The following ITGBL1 variants were observed in gnomAD, a reference collection of about 807,000 sequenced individuals.
ITGBL1 encodes integrin beta-like protein 1.
In ITGBL1, 51 loss-of-function variants were observed where a neutral mutation model predicts 68.5. That is an observed-to-expected ratio of 0.74 (90% CI 0.59 to 0.94). ITGBL1 has a LOEUF of 0.94. ITGBL1 is among the 40% of genes least tolerant of loss of function. The pLI, the probability that ITGBL1 is intolerant of heterozygous loss-of-function variation, is 0.00. For synonymous variants in ITGBL1, 209 were observed against 227.3 expected, an observed-to-expected ratio of 0.92 and a Z score of 0.72; for missense variants, 649 against 647.4, an observed-to-expected ratio of 1.00 and a Z score of -0.03.
intron 2 of ITGBL1, among the ~76,000 whole-genome samples, chr13:101,500,660 A>G (rs539718168): frequency 4.5e-4 from 69 of 152,308 alleles, no homozygotes; most frequent in African/African-American, 1.7e-3. Flanking sequence ...GTAACCATTC[A>G]GTTGCATTTT....
At chr13:101,586,788 T>C (rs2050564818) in intron 6 of ITGBL1, among the ~76,000 whole-genome samples, 1 of 152,212 alleles carries the variant, frequency 6.6e-6, no homozygotes, top group Non-Finnish European at 1.5e-5. Flanking sequence ...GGAGCAGACA[T>C]CAACCTCTGC....
intron 7 of ITGBL1, among the ~76,000 whole-genome samples, chr13:101,626,525 C>G (rs1422433880): frequency 6.6e-6 from 1 of 152,164 alleles, no homozygotes; most frequent in East Asian, 1.9e-4. Flanking sequence ...CTAAAAAGTA[C>G]CATCTACTCC....
chr13:101,493,897 C>G (rs2048817676), intron 2 of ITGBL1, among the ~76,000 whole-genome samples: 1 of 152,220 alleles, frequency 6.6e-6, no homozygotes, highest in Non-Finnish European at 1.5e-5. Context: ...TTTCTAATTT[C>G]AGATCCATTT....
In ITGBL1 at chr13:101,575,449, G is replaced by T; in HGVS notation, c.489G>T (p.Lys163Asn). The change falls in exon 4 of 11, where the codon AAG becomes AAT. Residue 163 changes from lysine to asparagine, a missense_variant. Lys to Asn is a moderately conservative substitution (Grantham distance 94, BLOSUM62 0). Coordinates refer to ENST00000376180, the MANE Select transcript of ITGBL1 (RefSeq NM_004791.3). Reference protein sequence around the residue: ...NAGTCHCGRCKCDNSDGSGLV... With the variant: ...NAGTCHCGRCNCDNSDGSGLV... ...GTACATGTCACTGTGGCAGGTGTAA[G>T]TGTGATAATTCAGATGGAAGTGGAC... 1 of 1,613,116 alleles carries T rather than the reference G, an allele frequency of 6.2e-7. No individual in the cohort carries two copies. The highest frequency in any genetic ancestry group is 8.5e-7 in the Non-Finnish European group (1 of 1,179,260).
At chr13:101,559,255 A>G (rs1286620209) in intron 2 of ITGBL1, among the ~76,000 whole-genome samples, 1 of 152,192 alleles carries the variant, frequency 6.6e-6, no homozygotes, top group African/African-American at 2.4e-5. Context: ...TGAGTGCCCA[A>G]TTTGAAAATA....
intron 6 of ITGBL1, among the ~76,000 whole-genome samples, chr13:101,592,774 A>T (rs2050677261): frequency 1.3e-5 from 2 of 152,264 alleles, no homozygotes; most frequent in South Asian, 4.1e-4. Context: ...TACAAAAATC[A>T]ACTGAAAATG....
At chr13:101,613,995 G>A (rs1047630506) in intron 7 of ITGBL1, among the ~76,000 whole-genome samples, 1 of 131,030 alleles carries the variant, frequency 7.6e-6, no homozygotes, top group African/African-American at 2.9e-5. Context: ...GCTCTGTGGT[G>A]TCCTTTCCCA....
At chr13:101,703,869 G>T (rs892373794) in intron 8 of ITGBL1, among the ~76,000 whole-genome samples, 1 of 152,188 alleles carries the variant, frequency 6.6e-6, no homozygotes, top group African/African-American at 2.4e-5. Flanking sequence ...TTTTACAAAA[G>T]CTTTGGAAAA....
chr13:101,549,217 C>G (rs1463999654), intron 2 of ITGBL1, among the ~76,000 whole-genome samples: 1 of 151,824 alleles, frequency 6.6e-6, no homozygotes, highest in Non-Finnish European at 1.5e-5. Context: ...TAAATATGGA[C>G]AGTAACCATA....
intron 8 of ITGBL1, among the ~76,000 whole-genome samples, chr13:101,705,808 G>A (rs181846014): frequency 6.6e-6 from 1 of 152,174 alleles, no homozygotes; most frequent in African/African-American, 2.4e-5. Flanking sequence ...AATGATGAGC[G>A]TATCTGTCCC....
intron 2 of ITGBL1, among the ~76,000 whole-genome samples, chr13:101,555,280 A>G (rs2049985883): frequency 6.6e-6 from 1 of 152,218 alleles, no homozygotes; most frequent in Non-Finnish European, 1.5e-5. Context: ...TTATATAGGC[A>G]TATTTTACGT....
intron 2 of ITGBL1, among the ~76,000 whole-genome samples, chr13:101,546,335 C>T (rs749397452): frequency 2.2e-4 from 33 of 151,820 alleles, no homozygotes; most frequent in Non-Finnish European, 4.7e-4. Flanking sequence ...GGGTGTTAAA[C>T]GATAGGTAGG....
intron 5 of ITGBL1, among the ~76,000 whole-genome samples, chr13:101,581,698 A>G (rs761574571): frequency 7.2e-5 from 11 of 152,198 alleles, no homozygotes; most frequent in Non-Finnish European, 1.3e-4. Flanking sequence ...TATTTCGGTC[A>G]CTAGTAATTT....
At chr13:101,562,982 G>GA (rs1357410227) in intron 2 of ITGBL1, among the ~76,000 whole-genome samples, 1 of 150,974 alleles carries the variant, frequency 6.6e-6, no homozygotes, top group Admixed American at 6.6e-5. Flanking sequence ...AAATAGATCT[G>GA]AAAAAAATTT....
rs570610456 is a variant in ITGBL1 at position 101,672,809 on chromosome 13, G to A, written c.1016-19776G>A. Among the ~76,000 whole-genome samples the A allele has an allele frequency of 1.6e-4, 24 of 152,168 alleles. No individual in the cohort carries two copies. In the South Asian group the frequency reaches 4.8e-3, roughly 30 times the overall value. On this transcript the variant is annotated intron_variant, in intron 7 of 10. Transcript: ENST00000376180. ...CCGCTCCTTAACCCATTCCATGTGT[G>A]CGTGTCCATGTTGTTAATCTTCTCA... is the stretch of plus-strand genomic sequence containing the variant.
intron 7 of ITGBL1, among the ~76,000 whole-genome samples, chr13:101,668,282 G>A (rs1198813586): frequency 1.3e-5 from 2 of 152,118 alleles, no homozygotes; most frequent in Non-Finnish European, 2.9e-5. Flanking sequence ...CAGCTACTTG[G>A]GAGGCTGTGT....
intron 2 of ITGBL1, among the ~76,000 whole-genome samples, chr13:101,463,840 G>A (rs530874922): frequency 1.3e-5 from 2 of 151,452 alleles, no homozygotes; most frequent in South Asian, 4.2e-4. Context: ...TGGAGACATT[G>A]GGTTGTGTGT....
At chr13:101,501,165 G>A (rs1373423160) in intron 2 of ITGBL1, among the ~76,000 whole-genome samples, 2 of 152,150 alleles carry the variant, frequency 1.3e-5, no homozygotes, top group Non-Finnish European at 2.9e-5. Context: ...CAGGCAATCT[G>A]GCTTAAATCT....
At chr13:101,602,114 G>A (rs1042465534) in intron 7 of ITGBL1, among the ~76,000 whole-genome samples, 3 of 151,958 alleles carry the variant, frequency 2.0e-5, no homozygotes, top group African/African-American at 7.2e-5. Context: ...TCAGTTCAAT[G>A]TTACATTAAA....
Sources: gnomAD v4.1 joint callset for allele counts (sites outside exome capture counted in the v4.1 genomes callset) on GRCh38, gnomAD v4.1.1 for gene constraint, MANE v1.5 for transcripts, NCBI Gene and HGNC (gene_info 2026-07-23, HGNC 2026-07-21) for gene names.